The following CRYZ variants were observed in gnomAD, a reference collection of about 807,000 sequenced individuals.
CRYZ encodes the protein crystallin zeta.
Under a neutral mutation model 34.1 loss-of-function variants are expected in CRYZ, and 35 were observed. That is an observed-to-expected ratio of 1.03 (90% confidence interval 0.78 to 1.36). CRYZ has a LOEUF of 1.36. Among genes scored for constraint, CRYZ ranks in the 40% most tolerant of loss-of-function variants. CRYZ has a pLI of 0.00. For synonymous variants in CRYZ, 137 were observed against 136.5 expected (o/e 1.00, Z -0.03); for missense variants, 403 against 391.8 (o/e 1.03, Z -0.24).
rs569240415 is a variant in CRYZ, at chr1:74,706,078, T to C, written c.*218A>G. 5 of 425,666 alleles carry C rather than the reference T, an allele frequency of 1.2e-5. No homozygotes were observed. Among genetic ancestry groups the C allele is most frequent in the African/African-American group, 1.0e-4 (5 of 49,242 alleles). 26.4% of individuals were successfully genotyped at this position (425,666 alleles called of 1,614,324 possible). On this transcript the variant is annotated 3_prime_UTR_variant, in exon 9 of 9. Coordinates refer to ENST00000340866, the MANE Select transcript of CRYZ (RefSeq NM_001889.4). ...TGACAACTAACATGTTATTTCCTACTATGATGACTCTTTGATTTGAGACAG... is the reference window on the plus strand; with the variant it reads ...TGACAACTAACATGTTATTTCCTACCATGATGACTCTTTGATTTGAGACAG...
intron 1 of CRYZ, among the ~76,000 whole-genome samples, chr1:74,729,244 C>G (rs1226962207): frequency 6.6e-6 from 1 of 151,406 alleles, no homozygotes; most frequent in Non-Finnish European, 1.5e-5. Context: ...TTGGGCAAGG[C>G]AGTCAACCTC....
intron 1 of CRYZ, among the ~76,000 whole-genome samples, chr1:74,728,318 C>CA (rs1159767486): frequency 6.6e-6 from 1 of 152,134 alleles, no homozygotes; most frequent in Non-Finnish European, 1.5e-5. Context: ...AATGAAAACT[C>CA]AGAGTTCAAA....
At chr1:74,715,905 A>T (rs1240089787) in intron 4 of CRYZ, among the ~76,000 whole-genome samples, 16 of 146,182 alleles carry the variant, frequency 1.1e-4, no homozygotes, top group Non-Finnish European at 1.8e-4. Flanking sequence ...TTACAGAAAC[A>T]GTGTTTTTTT....
chr1:74,729,555 G>A (rs1342151807), intron 1 of CRYZ, among the ~76,000 whole-genome samples: 3 of 151,248 alleles, frequency 2.0e-5, no homozygotes, highest in Non-Finnish European at 4.4e-5. Context: ...TGAGGTGGGA[G>A]GATTGCTTGA....
At chr1:74,706,518 C>T (rs1646931663) in intron 8 of CRYZ, 61 bp from the exon 9 acceptor site, 6 of 1,434,148 alleles carry the variant, frequency 4.2e-6, no homozygotes, top group Admixed American at 2.2e-5. Flanking sequence ...TTTTCAGAAG[C>T]ATTAAAAACA....
chr1:74,731,865 C>T (rs1196308539), intron 1 of CRYZ, among the ~76,000 whole-genome samples: 1 of 152,192 alleles, frequency 6.6e-6, no homozygotes, highest in East Asian at 1.9e-4. Flanking sequence ...TCAGTATAAA[C>T]ATCCAACGAT....
intron 1 of CRYZ, among the ~76,000 whole-genome samples, chr1:74,725,393 GT>G (rs1164658758): frequency 3.3e-5 from 5 of 152,284 alleles, no homozygotes; most frequent in Non-Finnish European, 7.3e-5. Flanking sequence ...GTCTTACATG[GT>G]GGCAAACAAG....
At chr1:74,723,781 T>G (rs538886092) in intron 2 of CRYZ, among the ~76,000 whole-genome samples, 1 of 152,260 alleles carries the variant, frequency 6.6e-6, no homozygotes, top group Non-Finnish European at 1.5e-5. Context: ...AGAAGCTGAG[T>G]CCCTAAGTCA....
At position 74,710,132 on chromosome 1, in the gene CRYZ, T is replaced by C. The variant is rs575756866; in HGVS notation, c.596A>G (p.Asn199Ser). The change falls in exon 6 of 9, where the codon AAT becomes AGT. Residue 199 changes from asparagine to serine, a missense_variant. Physicochemically the swap from Asn to Ser is conservative, Grantham distance 46. Coordinates refer to ENST00000340866, the MANE Select transcript of CRYZ (RefSeq NM_001889.4). ...ATCAATGTAATTCACTTCTCTGTGA[T>C]TGAACACTTCATGGGCTCCATTTTG... Reference protein sequence around the residue: ...VLQNGAHEVFNHREVNYIDKI... With the variant: ...VLQNGAHEVFSHREVNYIDKI... The C allele has an allele frequency of 8.7e-6, 14 of 1,613,694 alleles. No individual in the cohort carries two copies. Among genetic ancestry groups the C allele is most frequent in the African/African-American group, 1.3e-5 (1 of 75,024 alleles).
intron 8 of CRYZ, 70 bp from the exon 9 acceptor site, chr1:74,706,527 CA>C: frequency 3.6e-6 from 5 of 1,385,696 alleles, no homozygotes; most frequent in Non-Finnish European, 4.9e-6. Context: ...GCATTAAAAA[CA>C]CTTCAGAATC....
At chr1:74,728,618 G>C (rs1188390503) in intron 1 of CRYZ, among the ~76,000 whole-genome samples, 1 of 152,196 alleles carries the variant, frequency 6.6e-6, no homozygotes, top group Non-Finnish European at 1.5e-5. Flanking sequence ...ACTCAGAACA[G>C]AGCCCATACA....
chr1:74,727,743 C>A, intron 1 of CRYZ, among the ~76,000 whole-genome samples: 1 of 151,908 alleles, frequency 6.6e-6, no homozygotes, highest in Non-Finnish European at 1.5e-5. Context: ...ATTCCTCCCC[C>A]AGGTCCCTCC....
chr1:74,729,588 G>A (rs1647589072), intron 1 of CRYZ, among the ~76,000 whole-genome samples: 1 of 148,912 alleles, frequency 6.7e-6, no homozygotes, highest in South Asian at 2.1e-4. Context: ...AGGATGCAGT[G>A]AGCCATGATC....
Position 74,706,986 on chromosome 1 carries a change from GC to G in CRYZ, c.740del (p.Gly247AlafsTer8). 2 of 1,612,006 alleles carry G rather than the reference GC, an allele frequency of 1.2e-6. No homozygotes were observed. The highest frequency in any genetic ancestry group is 1.7e-6 in the Non-Finnish European group (2 of 1,178,924). On this transcript the variant is annotated frameshift_variant, in exon 8 of 9. Coordinates refer to ENST00000340866, the MANE Select transcript of CRYZ (RefSeq NM_001889.4). LOFTEE classifies it high-confidence loss of function. ...LSHGGRVIVVGSRGTIEINPR... is the reference protein window; with the variant it reads ...LSHGGRVIVVXSRGTIEINPR... ...GGTTTATTTCAATAGTACCTCTGCTGCCAACAACCTAACATGAAAAACAGCA... is the reference window on the plus strand; with the variant it reads ...GGTTTATTTCAATAGTACCTCTGCTGCAACAACCTAACATGAAAAACAGCA...
At chr1:74,725,597 T>C (rs1299573829) in intron 1 of CRYZ, among the ~76,000 whole-genome samples, 1 of 99,160 alleles carries the variant, frequency 1.0e-5, no homozygotes, top group Non-Finnish European at 1.9e-5. Context: ...AGCCAAATCA[T>C]ATCATTCTAC....
At chr1:74,716,326 G>C (rs549422691) in intron 4 of CRYZ, among the ~76,000 whole-genome samples, 112 of 152,186 alleles carry the variant, frequency 7.4e-4, no homozygotes, top group African/African-American at 2.6e-3. Flanking sequence ...TAGACAGACA[G>C]ACACACATCC....
chr1:74,726,804 A>AT (rs1302982381), intron 1 of CRYZ, among the ~76,000 whole-genome samples: 1 of 152,204 alleles, frequency 6.6e-6, no homozygotes, highest in Non-Finnish European at 1.5e-5. Flanking sequence ...AAACTAAATG[A>AT]TTTTAATAAT....
chr1:74,717,895 G>T, intron 4 of CRYZ, among the ~76,000 whole-genome samples: 1 of 152,130 alleles, frequency 6.6e-6, no homozygotes, highest in Non-Finnish European at 1.5e-5. Flanking sequence ...TCACTCCAGT[G>T]TTCTCACTCT....
At chr1:74,712,723 T>G (rs939345539) in intron 5 of CRYZ, among the ~76,000 whole-genome samples, 13 of 152,136 alleles carry the variant, frequency 8.5e-5, no homozygotes, top group Non-Finnish European at 1.6e-4. Context: ...ATTTTCAAAT[T>G]TAAATAAAAG....
Sources: gnomAD v4.1 joint callset for allele counts (sites outside exome capture counted in the v4.1 genomes callset) on GRCh38, gnomAD v4.1.1 for gene constraint, MANE v1.5 for transcripts, NCBI Gene and HGNC (gene_info 2026-07-23, HGNC 2026-07-21) for gene names.